Variants in CLNK observed in about 807,000 individuals in gnomAD.
CLNK encodes the protein cytokine dependent hematopoietic cell linker.
In CLNK, 74 loss-of-function variants were observed where a neutral mutation model predicts 68.6. The ratio of observed to expected loss-of-function variants is 1.08; its 90% CI spans 0.89 to 1.31. CLNK has a LOEUF of 1.31. CLNK is among the 50% of genes most tolerant of loss of function. CLNK has a pLI of 0.00. For missense variants in CLNK, 553 were observed against 515.3 expected (o/e 1.07, Z -0.71); for synonymous variants, 198 against 172.2 (o/e 1.15, Z -1.17).
Position 10,667,827 on chromosome 4 carries a change from AC to A in CLNK, c.11+31del, listed in dbSNP as rs778549836. ...CTCCTGTCCCCACCAAGAAAAGGGAACTGGGGCTCACAGTGATCCCACGGTA... is the reference window on the plus strand; with the variant it reads ...CTCCTGTCCCCACCAAGAAAAGGGAATGGGGCTCACAGTGATCCCACGGTA... On this transcript the variant is annotated intron_variant, in intron 2 of 18. Transcript: ENST00000226951. 2.9e-5 allele frequency: 46 copies of A among 1,564,156 alleles called. 1 individual carries two copies. The South Asian group carries it at 5.1e-4, about 17-fold the overall frequency.
At chr4:10,655,101 GA>G (rs748148319) in intron 2 of CLNK, among the ~76,000 whole-genome samples, 4,886 of 72,768 alleles carry the variant, frequency 0.067, 225 homozygotes, top group African/African-American at 0.22. Flanking sequence ...ACACCGACTC[GA>G]AAAAAAAAAA....
At chr4:10,580,404 T>G (rs916978809) in intron 4 of CLNK, among the ~76,000 whole-genome samples, 2 of 152,200 alleles carry the variant, frequency 1.3e-5, no homozygotes, top group African/African-American at 4.8e-5. Context: ...CGCTACTGAT[T>G]AGAAAAAGTT....
chr4:10,553,434 C>G (rs1305069892), intron 8 of CLNK, among the ~76,000 whole-genome samples: 1 of 151,106 alleles, frequency 6.6e-6, no homozygotes, highest in Non-Finnish European at 1.5e-5. Flanking sequence ...CCAGAGTTTC[C>G]CATTTATTTA....
intron 8 of CLNK, 62 bp downstream of exon 8, chr4:10,558,345 T>A: frequency 7.1e-7 from 1 of 1,414,718 alleles, no homozygotes; most frequent in Non-Finnish European, 1.0e-6. Flanking sequence ...TGCGAGAGGA[T>A]CTTAGAAGCA....
chr4:10,649,327 G>A (rs1376012954), intron 2 of CLNK, among the ~76,000 whole-genome samples: 1 of 152,120 alleles, frequency 6.6e-6, no homozygotes, highest in African/African-American at 2.4e-5. Context: ...CAAAAGCAGG[G>A]ACTATTCAGA....
intron 15 of CLNK, among the ~76,000 whole-genome samples, chr4:10,516,835 G>A (rs1211833120): frequency 6.6e-6 from 1 of 152,200 alleles, no homozygotes. Flanking sequence ...ATAGGCGTGA[G>A]CCACCACGCC....
At chr4:10,578,013 GTTAC>G (rs1720635597) in intron 4 of CLNK, among the ~76,000 whole-genome samples, 1 of 152,138 alleles carries the variant, frequency 6.6e-6, no homozygotes, top group South Asian at 2.1e-4. Flanking sequence ...GGCAAACCCA[GTTAC>G]TTACAAGCCT....
intron 1 of CLNK, among the ~76,000 whole-genome samples, chr4:10,675,103 G>A (rs1278543795): frequency 1.3e-5 from 2 of 152,114 alleles, no homozygotes; most frequent in Non-Finnish European, 2.9e-5. Context: ...GTTTACCTAC[G>A]TAACAAACCT....
chr4:10,565,535 G>T (rs533103070), intron 6 of CLNK, among the ~76,000 whole-genome samples: 2 of 152,288 alleles, frequency 1.3e-5, no homozygotes, highest in South Asian at 2.1e-4. Context: ...CCCTGCTGAC[G>T]CTCTTAGGCT....
intron 2 of CLNK, among the ~76,000 whole-genome samples, chr4:10,615,400 C>T (rs1338210779): frequency 1.3e-5 from 2 of 152,102 alleles, no homozygotes; most frequent in Non-Finnish European, 2.9e-5. Flanking sequence ...AGGAGAATCG[C>T]TTGAAGGAGG....
At chr4:10,674,652 C>T (rs1185589053) in intron 1 of CLNK, among the ~76,000 whole-genome samples, 1 of 152,190 alleles carries the variant, frequency 6.6e-6, no homozygotes, top group African/African-American at 2.4e-5. Context: ...AAGAGAGGTG[C>T]ACAGGGTGGT....
chr4:10,671,296 G>T (rs1174232944), intron 1 of CLNK, among the ~76,000 whole-genome samples: 4 of 152,092 alleles, frequency 2.6e-5, no homozygotes, highest in Admixed American at 2.6e-4. Flanking sequence ...TGAGGCAGGA[G>T]AATTGCTTGA....
chr4:10,550,810 C>T (rs2108813966), intron 8 of CLNK, among the ~76,000 whole-genome samples: 1 of 152,268 alleles, frequency 6.6e-6, no homozygotes, highest in South Asian at 2.1e-4. Context: ...TCCACCTTTT[C>T]ACTTAAAGGA....
chr4:10,684,730 C>G lies in CLNK; in HGVS notation c.-105G>C, dbSNP rs972878038. The G allele has an allele frequency of 3.9e-5, 6 of 152,164 alleles. No homozygotes were observed. Among genetic ancestry groups the G allele is most frequent in the Admixed American group, 1.3e-4 (2 of 15,268 alleles). The allele number at this position is 152,164 out of a possible 1,614,324, so 9.4% of individuals were successfully genotyped here. A position where few individuals can be genotyped will look rare whatever the true frequency, so the allele number is the denominator to read the frequency against. ...GGTGTCCGTCTCCTGTGAGGAGGGG[C>G]GGCAGTGCAGAGACCTTGGGGCACT... On this transcript the variant is annotated 5_prime_UTR_variant, in exon 1 of 19. Transcript: ENST00000226951.
At chr4:10,727,337 C>CGTG in the CLNK span, among the ~76,000 whole-genome samples, 1 of 152,126 alleles carries the variant, frequency 6.6e-6, no homozygotes, top group Non-Finnish European at 1.5e-5. Flanking sequence ...TGGAAAATTC[C>CGTG]GTGGTGGAAC....
At chr4:10,698,825 G>A in the CLNK span, among the ~76,000 whole-genome samples, 1 of 152,146 alleles carries the variant, frequency 6.6e-6, no homozygotes, top group East Asian at 1.9e-4. Flanking sequence ...TAACATGTGA[G>A]TGAGTAAAGC....
At chr4:10,727,347 C>T in the CLNK span, among the ~76,000 whole-genome samples, 1 of 152,172 alleles carries the variant, frequency 6.6e-6, no homozygotes, top group African/African-American at 2.4e-5. Context: ...CGTGGTGGAA[C>T]ACAAGGCCAC....
intron 1 of CLNK, among the ~76,000 whole-genome samples, chr4:10,671,979 A>G (rs1724663112): frequency 6.6e-6 from 1 of 152,190 alleles, no homozygotes; most frequent in Non-Finnish European, 1.5e-5. Context: ...TCTTCTTATC[A>G]GCCTACGCAG....
At chr4:10,598,657 A>G (rs1181107944) in intron 2 of CLNK, 4 of 445,686 alleles carry the variant, frequency 9.0e-6, no homozygotes, top group African/African-American at 4.0e-5. Context: ...CTTATTTTTC[A>G]TTGAGTTAAT....
Sources: gnomAD v4.1 joint callset for allele counts (sites outside exome capture counted in the v4.1 genomes callset) on GRCh38, gnomAD v4.1.1 for gene constraint, MANE v1.5 for transcripts, NCBI Gene and HGNC (gene_info 2026-07-23, HGNC 2026-07-21) for gene names.